The following IFT56 variants were observed in gnomAD, a reference collection of about 807,000 sequenced individuals.
IFT56 encodes the protein intraflagellar transport protein 56.
chr7:139,161,086 T>G, the IFT56 span: 1 of 1,390,954 alleles, frequency 7.2e-7, no homozygotes, highest in Admixed American at 1.9e-5. Context: ...ATCACAGCAA[T>G]TAGAAAGATT....
the IFT56 span, chr7:139,165,229 G>C: frequency 6.2e-7 from 1 of 1,610,292 alleles, no homozygotes; most frequent in Non-Finnish European, 8.5e-7. Context: ...TACTACCTTC[G>C]TCAAGGTAAG....
the IFT56 span, among the ~76,000 whole-genome samples, chr7:139,154,318 C>T: frequency 1.3e-4 from 19 of 149,562 alleles, no homozygotes; most frequent in African/African-American, 4.4e-4. Flanking sequence ...TTTTGAAGCA[C>T]GAAAGTTTTT....
At chr7:139,142,855 G>C in the IFT56 span, among the ~76,000 whole-genome samples, 11 of 152,082 alleles carry the variant, frequency 7.2e-5, no homozygotes, top group African/African-American at 2.2e-4. Flanking sequence ...TTTAGTTTGT[G>C]TCAACTATAC....
At chr7:139,148,194 T>G in the IFT56 span, 10 of 1,596,316 alleles carry the variant, frequency 6.3e-6, no homozygotes, top group Admixed American at 1.7e-5. Flanking sequence ...CCCTAATTCT[T>G]TCATCTAATA....
the IFT56 span, chr7:139,148,204 A>G: frequency 6.2e-7 from 1 of 1,604,502 alleles, no homozygotes; most frequent in South Asian, 1.1e-5. Context: ...TTCATCTAAT[A>G]GGGAATACCT....
chr7:139,143,167 A>G, the IFT56 span, among the ~76,000 whole-genome samples: 1 of 152,190 alleles, frequency 6.6e-6, no homozygotes, highest in African/African-American at 2.4e-5. Context: ...AGAAATGGAC[A>G]TACCTACTGG....
the IFT56 span, among the ~76,000 whole-genome samples, chr7:139,143,819 G>T: frequency 6.6e-6 from 1 of 151,502 alleles, no homozygotes; most frequent in African/African-American, 2.4e-5. Context: ...ATTTATCCTC[G>T]ATTTGCTTGC....
chr7:139,147,357 A>G, the IFT56 span: 1 of 1,367,248 alleles, frequency 7.3e-7, no homozygotes, highest in South Asian at 1.4e-5. Context: ...AACTAGTTTG[A>G]GAATCTAGTG....
At chr7:139,176,948 C>T in the IFT56 span, among the ~76,000 whole-genome samples, 4 of 151,828 alleles carry the variant, frequency 2.6e-5, no homozygotes, top group East Asian at 3.9e-4. Context: ...CTGAGGTGGG[C>T]GTATTACGAG....
At chr7:139,140,200 C>T in the IFT56 span, among the ~76,000 whole-genome samples, 2 of 152,160 alleles carry the variant, frequency 1.3e-5, no homozygotes, top group Non-Finnish European at 1.5e-5. Flanking sequence ...CTACACCCCA[C>T]CAGGCTACAG....
chr7:139,166,994 TC>T, the IFT56 span: 6 of 708,902 alleles, frequency 8.5e-6, no homozygotes, highest in Non-Finnish European at 1.5e-5. Flanking sequence ...TTAGGCAGAC[TC>T]CTGCCTGTAG....
At chr7:139,137,797 G>A in the IFT56 span, 4,978 of 1,485,332 alleles carry the variant, frequency 3.4e-3, 133 homozygotes, top group African/African-American at 0.058. Flanking sequence ...TAAACAGAGA[G>A]TTTACTATTC....
the IFT56 span, chr7:139,137,857 A>G: frequency 6.2e-7 from 1 of 1,613,154 alleles, no homozygotes; most frequent in Non-Finnish European, 8.5e-7. Flanking sequence ...TTCAAACGTC[A>G]TGTTGGGGAA....
the IFT56 span, chr7:139,173,413 G>A: frequency 1.9e-6 from 1 of 519,980 alleles, no homozygotes; most frequent in Non-Finnish European, 3.4e-6. Context: ...ATTTTTACTA[G>A]AGACGAGGTT....
the IFT56 span, among the ~76,000 whole-genome samples, chr7:139,155,242 T>G: frequency 6.6e-6 from 1 of 152,124 alleles, no homozygotes. Flanking sequence ...TATATAAGAT[T>G]ATGTTTGTGA....
chr7:139,169,411 C>A, the IFT56 span: 2 of 1,494,498 alleles, frequency 1.3e-6, no homozygotes, highest in Non-Finnish European at 9.3e-7. Flanking sequence ...CATATATTGA[C>A]CGTGAAGTTT....
the IFT56 span, among the ~76,000 whole-genome samples, chr7:139,163,340 TA>T: frequency 4.7e-3 from 579 of 124,458 alleles, no homozygotes; most frequent in Admixed American, 4.6e-3. Flanking sequence ...AGACTCCATC[TA>T]AAAAAAAAAA....
the IFT56 span, chr7:139,181,100 A>T: frequency 6.2e-7 from 1 of 1,604,002 alleles, no homozygotes; most frequent in Non-Finnish European, 8.5e-7. Flanking sequence ...AGATATTATG[A>T]ATAAGAAACC....
chr7:139,137,913 C>G, the IFT56 span: 5 of 1,613,328 alleles, frequency 3.1e-6, no homozygotes, highest in Non-Finnish European at 4.2e-6. Flanking sequence ...TGCCTTTCAC[C>G]TGGGTGACTA....
Sources: allele counts gnomAD v4.1 joint callset (sites outside exome capture counted in the v4.1 genomes callset), GRCh38; gene constraint gnomAD v4.1.1; transcripts MANE v1.5; gene names NCBI Gene and HGNC (gene_info 2026-07-23, HGNC 2026-07-21).